CTNNA2: variants seen among roughly 807,000 people sequenced by gnomAD.
The protein encoded by CTNNA2 is catenin alpha-2.
In CTNNA2, 42 loss-of-function variants were observed where a neutral mutation model predicts 101.0. The ratio of observed to expected loss-of-function variants is 0.42; its 90% CI spans 0.32 to 0.54. The LOEUF is 0.54. CTNNA2 is among the 20% of genes least tolerant of loss of function. The probability of loss-of-function intolerance (pLI) is 0.14; values close to 1 mark genes in which losing one functional copy is unlikely to be tolerated. For missense variants in CTNNA2, 871 were observed against 1,223.1 expected (o/e 0.71, Z 4.29); for synonymous variants, 450 against 456.4 (o/e 0.99, Z 0.18).
intron 4 of CTNNA2, among the ~76,000 whole-genome samples, chr2:79,412,498 A>C (rs1678426340): frequency 6.6e-6 from 1 of 152,054 alleles, no homozygotes; most frequent in Middle Eastern, 3.4e-3. Context: ...GTTGGAAGTA[A>C]AGCTCTCCTC....
chr2:80,628,561 C>T (rs1353723982), intron 18 of CTNNA2, among the ~76,000 whole-genome samples: 1 of 150,572 alleles, frequency 6.6e-6, no homozygotes, highest in Non-Finnish European at 1.5e-5. Context: ...CTTCCTTACA[C>T]CTTACACAAA....
chr2:79,828,555 A>C (rs1189086042), intron 3 of CTNNA2, among the ~76,000 whole-genome samples: 1 of 152,228 alleles, frequency 6.6e-6, no homozygotes, highest in Non-Finnish European at 1.5e-5. Flanking sequence ...TACATTAAAG[A>C]TCAGTTGCAA....
intron 7 of CTNNA2, among the ~76,000 whole-genome samples, chr2:80,101,396 C>T (rs1700532342): frequency 6.6e-6 from 1 of 152,194 alleles, no homozygotes; most frequent in Admixed American, 6.5e-5. Flanking sequence ...CCATCTCACA[C>T]TGACTCCTAA....
chr2:79,259,068 C>T (rs765311532), intron 2 of CTNNA2, among the ~76,000 whole-genome samples: 7 of 152,116 alleles, frequency 4.6e-5, no homozygotes, highest in Non-Finnish European at 8.8e-5. Context: ...ACTGACAAGT[C>T]CTAAGTTTAA....
At chr2:79,349,786 T>G (rs1246307539) in intron 3 of CTNNA2, among the ~76,000 whole-genome samples, 1 of 152,302 alleles carries the variant, frequency 6.6e-6, no homozygotes, top group South Asian at 2.1e-4. Context: ...GAAACCATTA[T>G]ATTAGAAAGA....
intron 1 of CTNNA2, among the ~76,000 whole-genome samples, chr2:79,565,843 G>A (rs1485827996): frequency 1.3e-5 from 2 of 152,060 alleles, no homozygotes; most frequent in African/African-American, 2.4e-5. Flanking sequence ...AGATCTCTGC[G>A]TGTTTAGGTT....
At chr2:80,214,282 T>A (rs536913056) in intron 7 of CTNNA2, among the ~76,000 whole-genome samples, 17 of 152,314 alleles carry the variant, frequency 1.1e-4, no homozygotes, top group African/African-American at 3.4e-4. Context: ...TTTTGCTCAT[T>A]AGGTGATGCA....
intron 4 of CTNNA2, among the ~76,000 whole-genome samples, chr2:79,390,193 G>A (rs964403035): frequency 2.0e-5 from 3 of 152,104 alleles, no homozygotes; most frequent in African/African-American, 7.2e-5. Flanking sequence ...TCTTTTGGCA[G>A]CACTTTGCAT....
intron 2 of CTNNA2, among the ~76,000 whole-genome samples, chr2:79,230,571 G>A (rs572469115): frequency 6.6e-6 from 1 of 152,368 alleles, no homozygotes; most frequent in East Asian, 1.9e-4. Context: ...CAGTGCGGAA[G>A]GGAAATGTGA....
At chr2:79,358,681 C>T (rs535628070) in intron 3 of CTNNA2, among the ~76,000 whole-genome samples, 1 of 152,242 alleles carries the variant, frequency 6.6e-6, no homozygotes, top group Admixed American at 6.5e-5. Flanking sequence ...TTCAAGAAAC[C>T]AAAGCAGCAG....
rs115075101 is a variant in CTNNA2, at chr2:80,136,737, C to T, written c.1056+226940C>T. 3.6e-3 allele frequency among the ~76,000 whole-genome samples: 546 copies of T among 152,198 alleles called. 3 individuals are homozygous for T. The highest frequency in any genetic ancestry group is 0.012 in the African/African-American group (504 of 41,526). The stretch of plus-strand genomic sequence containing the variant: ...CTTTATACCCTTCTTATTTTATTTT[C>T]GCTGAGTCTGTTGATTAAATTGTAC... On this transcript the variant is annotated intron_variant, in intron 7 of 18. Transcript: ENST00000402739.
At chr2:80,383,409 G>A (rs561584570) in intron 7 of CTNNA2, among the ~76,000 whole-genome samples, 14 of 152,240 alleles carry the variant, frequency 9.2e-5, no homozygotes, top group Admixed American at 7.8e-4. Flanking sequence ...GTTTCATCCT[G>A]AGTTCTTTGG....
intron 6 of CTNNA2, among the ~76,000 whole-genome samples, chr2:79,905,054 T>C (rs1043871816): frequency 6.6e-6 from 1 of 152,206 alleles, no homozygotes; most frequent in Non-Finnish European, 1.5e-5. Flanking sequence ...GAAGGCAGAA[T>C]AGGATTCTAG....
chr2:80,084,243 C>A (rs1006984205), intron 7 of CTNNA2, among the ~76,000 whole-genome samples: 1 of 152,068 alleles, frequency 6.6e-6, no homozygotes, highest in African/African-American at 2.4e-5. Flanking sequence ...AACAAGAAAG[C>A]AGGAAGGCAC....
At chr2:80,636,728 A>G (rs927639620) in intron 18 of CTNNA2, among the ~76,000 whole-genome samples, 7 of 152,172 alleles carry the variant, frequency 4.6e-5, no homozygotes, top group African/African-American at 1.4e-4. Flanking sequence ...TTCCCAAATT[A>G]CATGTTTAAA....
chr2:80,582,774 G>A (rs1282164723), intron 14 of CTNNA2, among the ~76,000 whole-genome samples: 3 of 152,092 alleles, frequency 2.0e-5, no homozygotes, highest in Non-Finnish European at 4.4e-5. Flanking sequence ...TAGAAAGCAA[G>A]AGGTTGAGAA....
At chr2:80,007,714 T>A (rs1693472158) in intron 7 of CTNNA2, among the ~76,000 whole-genome samples, 2 of 152,174 alleles carry the variant, frequency 1.3e-5, no homozygotes, top group African/African-American at 4.8e-5. Flanking sequence ...TTAGGAGGCT[T>A]GGGGAATCCT....
intron 3 of CTNNA2, among the ~76,000 whole-genome samples, chr2:79,789,678 C>T (rs1417772177): frequency 6.6e-6 from 1 of 151,912 alleles, no homozygotes; most frequent in Non-Finnish European, 1.5e-5. Context: ...AAACACGTGG[C>T]ACATTTTTAC....
At chr2:80,236,187 A>T (rs948447050) in intron 7 of CTNNA2, among the ~76,000 whole-genome samples, 3 of 152,286 alleles carry the variant, frequency 2.0e-5, no homozygotes, top group African/African-American at 7.2e-5. Context: ...TATATGTACC[A>T]CATTTTCTTT....
Sources: allele counts gnomAD v4.1 joint callset (sites outside exome capture counted in the v4.1 genomes callset), GRCh38; gene constraint gnomAD v4.1.1; transcripts MANE v1.5; gene names NCBI Gene and HGNC (gene_info 2026-07-23, HGNC 2026-07-21).